The following EYS variants were observed in gnomAD, a reference collection of about 807,000 sequenced individuals.
The protein encoded by EYS is protein eyes shut homolog.
EYS carries 250 observed loss-of-function variants against 282.1 expected under a neutral mutation model. The observed-to-expected ratio is 0.89, with a 90% CI of 0.80 to 0.98. The LOEUF is 0.98. Among genes scored for constraint, EYS ranks in the 50% least tolerant of loss-of-function variants. The probability of loss-of-function intolerance (pLI) is 0.00; values close to 1 mark genes in which losing one functional copy is unlikely to be tolerated. For missense variants in EYS, 4,016 were observed against 3,709.0 expected (o/e 1.08, Z -2.15); for synonymous variants, 1,355 against 1,282.9 (o/e 1.06, Z -1.20).
chr6:64,995,715 T>TTC (rs1771232131), intron 14 of EYS, among the ~76,000 whole-genome samples: 8 of 147,116 alleles, frequency 5.4e-5, no homozygotes, highest in Admixed American at 2.1e-4. Context: ...TCTTTCTGCT[T>TTC]CCCCCCCGCC....
At chr6:64,904,188 C>T (rs1311995050) in intron 16 of EYS, among the ~76,000 whole-genome samples, 2 of 152,110 alleles carry the variant, frequency 1.3e-5, no homozygotes, top group Middle Eastern at 3.2e-3. Flanking sequence ...TGTAAGTAAG[C>T]TGCCATACTT....
intron 31 of EYS, among the ~76,000 whole-genome samples, chr6:64,114,526 C>T (rs1387157306): frequency 6.6e-6 from 1 of 152,086 alleles, no homozygotes; most frequent in Non-Finnish European, 1.5e-5. Flanking sequence ...ACTAAATAAT[C>T]GCATAGAGAG....
intron 22 of EYS, among the ~76,000 whole-genome samples, chr6:64,775,773 T>G (rs1300268346): frequency 6.6e-6 from 1 of 152,122 alleles, no homozygotes; most frequent in Non-Finnish European, 1.5e-5. Flanking sequence ...CATGAATTCC[T>G]ATTCAATATT....
chr6:64,187,874 C>A (rs1231538439), intron 31 of EYS, among the ~76,000 whole-genome samples: 1 of 151,604 alleles, frequency 6.6e-6, no homozygotes, highest in Non-Finnish European at 1.5e-5. Context: ...TATAAGATTT[C>A]TTTACAAATT....
At chr6:65,605,101 T>G (rs756929519) in intron 2 of EYS, among the ~76,000 whole-genome samples, 2 of 151,140 alleles carry the variant, frequency 1.3e-5, no homozygotes, top group Non-Finnish European at 2.9e-5. Flanking sequence ...TGCCTTGGCC[T>G]CCCAAATTGC....
chr6:64,163,651 C>T (rs546594663), intron 31 of EYS, among the ~76,000 whole-genome samples: 16 of 152,118 alleles, frequency 1.1e-4, no homozygotes, highest in African/African-American at 3.1e-4. Context: ...TATTACTTAA[C>T]AATTGTATAA....
At chr6:65,101,463 A>G (rs1364431103) in intron 12 of EYS, among the ~76,000 whole-genome samples, 1 of 151,212 alleles carries the variant, frequency 6.6e-6, no homozygotes, top group Non-Finnish European at 1.5e-5. Flanking sequence ...ATGACGTATT[A>G]TTTGTTTTCA....
At chr6:63,963,025 C>T (rs1267554197) in intron 35 of EYS, among the ~76,000 whole-genome samples, 1 of 150,904 alleles carries the variant, frequency 6.6e-6, no homozygotes, top group African/African-American at 2.4e-5. Flanking sequence ...AACCAAACAC[C>T]GCATGTTTTC....
intron 41 of EYS, among the ~76,000 whole-genome samples, chr6:63,739,844 C>T (rs1272067444): frequency 6.8e-6 from 1 of 147,614 alleles, no homozygotes; most frequent in Non-Finnish European, 1.5e-5. Flanking sequence ...CAGGTGCATG[C>T]CACCACGCCC....
At chr6:64,013,644 C>T (rs992712257) in intron 33 of EYS, among the ~76,000 whole-genome samples, 3 of 152,046 alleles carry the variant, frequency 2.0e-5, no homozygotes, top group Admixed American at 6.6e-5. Context: ...GTGGCAAATG[C>T]TACAAATCAC....
intron 36 of EYS, among the ~76,000 whole-genome samples, chr6:63,826,845 C>CAAAAAAAAAAAAAAAAAGGAAAAA (rs1771475400): frequency 2.7e-4 from 21 of 76,752 alleles, no homozygotes; most frequent in African/African-American, 4.6e-4. Context: ...AGTTAAAAAG[C>CAAAAAAAAAAAAAAAAAGGAAAAA]AAAAAAAAAA....
intron 30 of EYS, among the ~76,000 whole-genome samples, chr6:64,294,209 A>C (rs777298391): frequency 2.2e-4 from 33 of 152,324 alleles, no homozygotes; most frequent in Admixed American, 5.9e-4. Flanking sequence ...CCAAATAAAA[A>C]CCAAAATACC....
intron 35 of EYS, among the ~76,000 whole-genome samples, chr6:63,925,532 T>C (rs1764690807): frequency 6.6e-6 from 1 of 152,218 alleles, no homozygotes. Flanking sequence ...TTTCTGTTGT[T>C]GTTGATTTTA....
intron 35 of EYS, among the ~76,000 whole-genome samples, chr6:63,910,552 T>C (rs1773887919): frequency 6.6e-6 from 1 of 152,248 alleles, no homozygotes; most frequent in Admixed American, 6.5e-5. Flanking sequence ...TTCAATGCTG[T>C]AATGCCGGTT....
chr6:64,203,450 A>G (rs1765523742), intron 31 of EYS, among the ~76,000 whole-genome samples: 1 of 152,138 alleles, frequency 6.6e-6, no homozygotes, highest in South Asian at 2.1e-4. Flanking sequence ...AGTGAGCCAG[A>G]CTGCAGGTCA....
intron 30 of EYS, among the ~76,000 whole-genome samples, chr6:64,254,557 T>A (rs1181659717): frequency 6.6e-6 from 1 of 152,084 alleles, no homozygotes; most frequent in African/African-American, 2.4e-5. Flanking sequence ...AGTCCCCGTC[T>A]CTGAGGTCAC....
chr6:65,516,978 TA>T (rs1335657622), intron 2 of EYS, among the ~76,000 whole-genome samples: 1 of 152,020 alleles, frequency 6.6e-6, no homozygotes, highest in African/African-American at 2.4e-5. Context: ...ATTTTTCCTT[TA>T]AAATGATAAT....
intron 19 of EYS, among the ~76,000 whole-genome samples, chr6:64,856,548 C>T (rs560521025): frequency 1.8e-4 from 28 of 152,278 alleles, no homozygotes; most frequent in African/African-American, 6.5e-4. Context: ...ATCCACCTGC[C>T]TTGACTTCCC....
At chr6:64,934,346 C>T (rs576022928) in intron 15 of EYS, among the ~76,000 whole-genome samples, 1 of 151,792 alleles carries the variant, frequency 6.6e-6, no homozygotes, top group Non-Finnish European at 1.5e-5. Context: ...TAGATAAATG[C>T]TTTGAAAAAT....
Sources: gnomAD v4.1 joint callset for allele counts (sites outside exome capture counted in the v4.1 genomes callset) on GRCh38, gnomAD v4.1.1 for gene constraint, MANE v1.5 for transcripts, NCBI Gene and HGNC (gene_info 2026-07-23, HGNC 2026-07-21) for gene names.